CFH: variants seen among roughly 807,000 people sequenced by gnomAD.
The protein encoded by CFH is complement factor H.
In CFH, 53 loss-of-function variants were observed where a neutral mutation model predicts 147.3. The ratio of observed to expected loss-of-function variants is 0.36; its 90% confidence interval spans 0.29 to 0.45. The LOEUF (loss-of-function observed/expected upper bound fraction) is 0.45, where lower values mean the gene tolerates loss of function less well. Ranked by LOEUF, CFH falls within the 20% of genes least tolerant of loss-of-function variation. The pLI is 1.00. For missense variants in CFH, 1,380 were observed against 1,498.0 expected (o/e 0.92, Z 1.30); for synonymous variants, 536 against 489.4 (o/e 1.10, Z -1.26).
intron 11 of CFH, among the ~76,000 whole-genome samples, chr1:196,719,068 A>T (rs745669431): frequency 3.3e-5 from 5 of 152,074 alleles, no homozygotes; most frequent in Non-Finnish European, 5.9e-5. Context: ...CTAAATAAGG[A>T]GTATGTATCT....
At chr1:196,746,101 G>A (rs1652994526) in intron 21 of CFH, 102 bp downstream of exon 21, 2 of 1,589,894 alleles carry the variant, frequency 1.3e-6, no homozygotes, top group Non-Finnish European at 1.7e-6. Flanking sequence ...CAACCATTCT[G>A]CTGAATGCTT....
Position 196,683,634 on chromosome 1 carries a change from C to T in CFH, c.791-1430C>T, listed in dbSNP as rs147991521. 2.8e-4 allele frequency among the ~76,000 whole-genome samples: 43 copies of T among 151,698 alleles called. 1 individual carries two copies. Among genetic ancestry groups the T allele is most frequent in the Admixed American group, 1.1e-3 (16 of 15,154 alleles). On this transcript the variant is annotated intron_variant, in intron 6 of 21. Transcript: ENST00000367429. ...AGGTAAGAAAGAGGGAAGGAATAAA[C>T]AATGGTTTAAAATACAGGGGAAAAT... is the stretch of plus-strand genomic sequence containing the variant.
At chr1:196,738,550 T>A (rs1391594517) in intron 17 of CFH, among the ~76,000 whole-genome samples, 1 of 152,190 alleles carries the variant, frequency 6.6e-6, no homozygotes, top group East Asian at 1.9e-4. Flanking sequence ...AAGTCTGAAA[T>A]TTAATAGGGC....
intron 3 of CFH, 33 bp from the exon 4 acceptor site, chr1:196,675,956 T>A (rs1321032087): frequency 7.0e-7 from 1 of 1,422,534 alleles, no homozygotes; most frequent in Non-Finnish European, 9.9e-7. Flanking sequence ...AAACACACAT[T>A]ATGTCAACGT....
At chr1:196,744,677 G>A (rs543288519) in intron 20 of CFH, among the ~76,000 whole-genome samples, 7 of 152,182 alleles carry the variant, frequency 4.6e-5, no homozygotes, top group Non-Finnish European at 5.9e-5. Flanking sequence ...CATACATTGA[G>A]CTCCATATTA....
At chr1:196,674,698 T>C (rs1667396991) in intron 3 of CFH, among the ~76,000 whole-genome samples, 1 of 152,198 alleles carries the variant, frequency 6.6e-6, no homozygotes, top group Non-Finnish European at 1.5e-5. Flanking sequence ...TTTCCCCATT[T>C]TTTCCTTAAT....
intron 1 of CFH, among the ~76,000 whole-genome samples, chr1:196,665,020 C>T (rs1260365085): frequency 1.3e-5 from 2 of 151,298 alleles, no homozygotes; most frequent in Non-Finnish European, 3.0e-5. Flanking sequence ...TTATCATCTC[C>T]TTTACATTTT....
intron 11 of CFH, among the ~76,000 whole-genome samples, chr1:196,717,518 A>G (rs1341461951): frequency 6.6e-6 from 1 of 152,102 alleles, no homozygotes; most frequent in African/African-American, 2.4e-5. Context: ...TGTAACAAAA[A>G]TGGATTTTAA....
intron 9 of CFH, among the ~76,000 whole-genome samples, chr1:196,693,007 C>A (rs1474439649): frequency 6.6e-6 from 1 of 150,922 alleles, no homozygotes; most frequent in Admixed American, 6.7e-5. Context: ...TCATGCTAGA[C>A]CCTGTACTTT....
chr1:196,726,273 CATT>C (rs1217841511), intron 12 of CFH, among the ~76,000 whole-genome samples, 194 bp from the exon 13 acceptor site: 3 of 152,070 alleles, frequency 2.0e-5, no homozygotes, highest in Non-Finnish European at 4.4e-5. Flanking sequence ...CATATTTTAA[CATT>C]TTAATATACC....
At chr1:196,682,243 G>C (rs1667682600) in intron 6 of CFH, among the ~76,000 whole-genome samples, 1 of 151,660 alleles carries the variant, frequency 6.6e-6, no homozygotes, top group Non-Finnish European at 1.5e-5. Context: ...TTTTCTATTG[G>C]TTCAAAGCAT....
At chr1:196,723,328 CTGTT>C (rs1344661260) in intron 11 of CFH, among the ~76,000 whole-genome samples, 11 of 151,994 alleles carry the variant, frequency 7.2e-5, no homozygotes, top group African/African-American at 2.4e-4. Context: ...GGTAAAGACT[CTGTT>C]TGAGTACCTT....
intron 9 of CFH, among the ~76,000 whole-genome samples, chr1:196,690,729 T>G (rs953331756): frequency 1.3e-5 from 2 of 152,058 alleles, no homozygotes; most frequent in African/African-American, 4.8e-5. Flanking sequence ...TTATAAACGG[T>G]CTTGAGGAAG....
chr1:196,665,726 C>T (rs1322130030), intron 1 of CFH, among the ~76,000 whole-genome samples: 2 of 152,132 alleles, frequency 1.3e-5, no homozygotes, highest in Non-Finnish European at 2.9e-5. Context: ...TCCTGCCTCA[C>T]GCCCCCACGT....
In CFH at chr1:196,713,889, T is replaced by C. The variant is rs2149102184; in HGVS notation, c.1491T>C (p.Asp497=). 6.2e-7 allele frequency: 1 copy of C among 1,612,640 alleles called. No homozygotes were observed. The highest frequency in any genetic ancestry group is 8.5e-7 in the Non-Finnish European group (1 of 1,179,098). ...ETSGSITCGK[D]GWSAQPTCIK... ...CAGGATCAATTACATGTGGGAAAGATGGATGGTCAGCTCAACCCACGTGCA... is the reference window on the plus strand; with the variant it reads ...CAGGATCAATTACATGTGGGAAAGACGGATGGTCAGCTCAACCCACGTGCA... The change falls in exon 10 of 22, where the codon GAT becomes GAC. Residue 497 remains aspartate, a synonymous_variant. Coordinates refer to ENST00000367429, the MANE Select transcript of CFH (RefSeq NM_000186.4).
intron 1 of CFH, among the ~76,000 whole-genome samples, chr1:196,671,894 T>C (rs1667294629): frequency 6.7e-6 from 1 of 149,894 alleles, no homozygotes; most frequent in Non-Finnish European, 1.5e-5. Context: ...TATAAGAGCT[T>C]TTATTATATA....
chr1:196,707,849 T>C (rs1438480982), intron 9 of CFH, among the ~76,000 whole-genome samples: 3 of 152,204 alleles, frequency 2.0e-5, no homozygotes, highest in Admixed American at 6.6e-5. Context: ...TTTGTTATTA[T>C]AATTATTTTA....
intron 9 of CFH, among the ~76,000 whole-genome samples, chr1:196,708,187 T>C (rs909576348): frequency 9.8e-5 from 15 of 152,318 alleles, no homozygotes; most frequent in African/African-American, 3.4e-4. Context: ...TGTTTCAAGG[T>C]ATTGCCACTG....
intron 1 of CFH, among the ~76,000 whole-genome samples, chr1:196,663,674 A>T (rs1215727989): frequency 6.6e-6 from 1 of 152,188 alleles, no homozygotes; most frequent in Non-Finnish European, 1.5e-5. Context: ...GTTACAACTT[A>T]TCTTTTCTGG....
Sources: gnomAD v4.1 joint callset for allele counts (sites outside exome capture counted in the v4.1 genomes callset) on GRCh38, gnomAD v4.1.1 for gene constraint, MANE v1.5 for transcripts, NCBI Gene and HGNC (gene_info 2026-07-23, HGNC 2026-07-21) for gene names.